The following PES1 variants were observed in gnomAD, a reference collection of about 807,000 sequenced individuals.
The protein encoded by PES1 is pescadillo homolog.
In PES1, 31 loss-of-function variants were observed where a neutral mutation model predicts 77.1. That is an observed-to-expected ratio of 0.40 (90% CI 0.30 to 0.54). PES1 has a LOEUF of 0.54. Among genes scored for constraint, PES1 ranks in the 20% least tolerant of loss-of-function variants. PES1 has a pLI of 0.45. For synonymous variants in PES1, 282 were observed against 303.0 expected (o/e 0.93, Z 0.72); for missense variants, 658 against 771.7 (o/e 0.85, Z 1.75).
chr22:30,585,265 A>G, intron 4 of PES1: 1 of 471,434 alleles, frequency 2.1e-6, no homozygotes, highest in Non-Finnish European at 4.4e-6. Flanking sequence ...AATGAGACCC[A>G]GGGAATTGGG....
chr22:30,597,839 T>C (rs1299518416), intron 2 of PES1, among the ~76,000 whole-genome samples: 3 of 151,376 alleles, frequency 2.0e-5, no homozygotes, highest in East Asian at 1.9e-4. Context: ...CCGACTCAGC[T>C]GTGGTAACTC....
Position 30,584,350 on chromosome 22 carries a change from G to A in PES1, c.630+15C>T, listed in dbSNP as rs766308436. 128 of 1,592,922 alleles carry A rather than the reference G, an allele frequency of 8.0e-5. No individual in the cohort carries two copies. Among genetic ancestry groups the A allele is most frequent in the African/African-American group, 1.1e-4 (8 of 74,398 alleles). ...AGGCAGCACAAGCCCGTCCCCTCCC[G>A]ACAGGCACACTCACGTCATGGGAGA... On this transcript the variant is annotated intron_variant, in intron 6 of 14. Transcript: ENST00000354694.
At chr22:30,582,693 CCAGA>C (rs374751771) in intron 6 of PES1, among the ~76,000 whole-genome samples, 6 of 152,318 alleles carry the variant, frequency 3.9e-5, no homozygotes, top group African/African-American at 1.4e-4. Context: ...TATTCTGCTG[CCAGA>C]CAGTGACCTG....
chr22:30,584,422 C>G lies in PES1; in HGVS notation c.573G>C (p.Gln191His). ...VFLSIKGIYYQAEVLGQPIVW... is the reference protein window; with the variant it reads ...VFLSIKGIYYHAEVLGQPIVW... The stretch of plus-strand genomic sequence containing the variant: ...CGATGGGCTGCCCCAGTACCTCGGC[C>G]TGGTAGTAAATGCCTTTGATGGACA... Residue 191 changes from glutamine to histidine, a missense_variant, in exon 6 of 15, where the codon CAG becomes CAC. Transcript: ENST00000354694. The G allele has an allele frequency of 6.2e-7, 1 of 1,612,646 alleles. No homozygotes were observed. Among genetic ancestry groups the G allele is most frequent in the Non-Finnish European group, 8.5e-7 (1 of 1,179,332 alleles).
intron 1 of PES1, 120 bp from the exon 2 acceptor site, chr22:30,589,390 G>A (rs2087144794): frequency 1.2e-6 from 1 of 823,942 alleles, no homozygotes. Context: ...GATGAGTCTA[G>A]GAGAGGAAAC....
At position 30,584,700 on chromosome 22, in the gene PES1, T is replaced by C; in HGVS notation, c.386A>G (p.Asp129Gly). 1 of 1,613,736 alleles carries C rather than the reference T, an allele frequency of 6.2e-7. No individual in the cohort carries two copies. Among genetic ancestry groups the C allele is most frequent in the East Asian group, 2.2e-5 (1 of 44,886 alleles). The change falls in exon 5 of 15, where the codon GAT becomes GGT. Residue 129 changes from aspartate (D) to glycine (G), a missense_variant. Coordinates refer to ENST00000354694, the MANE Select transcript of PES1 (RefSeq NM_014303.4). Reference protein sequence around the residue: ...IIKERYPTFIDALRDLDDALS... With the variant: ...IIKERYPTFIGALRDLDDALS... ...GGCATCGTCCAGGTCCCGCAGGGCA[T>C]CGATGAACGTGGGATACCTGCATGG...
At chr22:30,605,621 AC>A in intron 1 of PES1, 1 of 256,358 alleles carries the variant, frequency 3.9e-6, no homozygotes, top group Non-Finnish European at 6.1e-6. Flanking sequence ...CACACACTTC[AC>A]CATGACTCCC....
chr22:30,592,798 AAAAT>A (rs993370437), upstream of PES1, among the ~76,000 whole-genome samples: 8 of 152,180 alleles, frequency 5.3e-5, no homozygotes, highest in African/African-American at 1.9e-4. Context: ...CTCCATCTCA[AAAAT>A]AAATAAATAA....
At chr22:30,591,730 G>A (rs2087179506) in intron 1 of PES1, 80 bp downstream of exon 1, 2 of 1,475,946 alleles carry the variant, frequency 1.4e-6, no homozygotes, top group Non-Finnish European at 9.2e-7. Flanking sequence ...ACGAGACGGA[G>A]CCCGGGAAAA....
At chr22:30,597,912 C>A (rs1479448010) in intron 2 of PES1, among the ~76,000 whole-genome samples, 30 of 130,390 alleles carry the variant, frequency 2.3e-4, no homozygotes, top group African/African-American at 9.2e-4. Flanking sequence ...GAGTCGGAGT[C>A]TCACTCTGTC....
In PES1 at chr22:30,580,646, T is replaced by C. The variant is rs1421115839; in HGVS notation, c.968A>G (p.His323Arg). 1.9e-6 allele frequency: 3 copies of C among 1,613,556 alleles called. No individual in the cohort carries two copies. The highest frequency in any genetic ancestry group is 1.7e-5 in the Admixed American group (1 of 59,990). ...RRKELEAQEKHKKLFEGLKFF... is the reference protein window; with the variant it reads ...RRKELEAQEKRKKLFEGLKFF... Reference sequence around the variant, plus strand: ...CTTCAGGCCCTCAAAAAGCTTCTTGTGCTTCTCCTGCGCCTCCAGCTCCTT... The same window carrying C: ...CTTCAGGCCCTCAAAAAGCTTCTTGCGCTTCTCCTGCGCCTCCAGCTCCTT... Residue 323 changes from histidine to arginine, a missense_variant, in exon 10 of 15, where the codon CAC (histidine) becomes CGC (arginine). Transcript: ENST00000354694.
chr22:30,581,534 G>A lies in PES1; in HGVS notation c.741C>T (p.Pro247=), dbSNP rs775880048. 1 of 1,613,314 alleles carries A rather than the reference G, an allele frequency of 6.2e-7. No homozygotes were observed. The change falls in exon 7 of 15, where the codon CCC becomes CCT. Residue 247 remains proline, a synonymous_variant. Coordinates refer to ENST00000354694, the MANE Select transcript of PES1 (RefSeq NM_014303.4). ...CACTGGGCTGGGGTCCTACCTTCGG[G>A]GGATAGTGGAGGTTGAGCAACTGGT... is the stretch of plus-strand genomic sequence containing the variant. ...RLYQLLNLHY[P]PKLEGQAQAE...
chr22:30,594,623 G>T (rs970643609), upstream of PES1, among the ~76,000 whole-genome samples: 1 of 151,652 alleles, frequency 6.6e-6, no homozygotes, highest in African/African-American at 2.4e-5. Context: ...AGACCAGCCT[G>T]GGCAACATAG....
chr22:30,598,432 A>G (rs1351095535), intron 2 of PES1: 1 of 151,824 alleles, frequency 6.6e-6, no homozygotes, highest in Non-Finnish European at 1.5e-5. Context: ...CTAAGGTAAA[A>G]CCCGTAAAAA....
intron 14 of PES1, among the ~76,000 whole-genome samples, chr22:30,578,260 T>C (rs2146455924): frequency 6.6e-6 from 1 of 152,284 alleles, no homozygotes; most frequent in Non-Finnish European, 1.5e-5. Flanking sequence ...CTAGCCTGGG[T>C]GACAGAGGAA....
intron 2 of PES1, chr22:30,605,455 T>G: frequency 1.0e-6 from 1 of 985,360 alleles, no homozygotes; most frequent in Non-Finnish European, 1.2e-6. Flanking sequence ...TGCTGCTGCT[T>G]CTCACCAGAG....
At chr22:30,604,273 T>C (rs534639792) in intron 2 of PES1, among the ~76,000 whole-genome samples, 1 of 152,198 alleles carries the variant, frequency 6.6e-6, no homozygotes, top group South Asian at 2.1e-4. Flanking sequence ...GGGGGAAAAA[T>C]ATAAATAATC....
At position 30,577,793 on chromosome 22, in the gene PES1, G is replaced by A. The variant is rs187212958; in HGVS notation, c.1684-664C>T. ...TTACAGGCGTGAGCCACCATGCCCA[G>A]ACCCATTTGACAATAACTATTTCAA... On this transcript the variant is annotated intron_variant, in intron 14 of 14. Coordinates refer to ENST00000354694, the MANE Select transcript of PES1 (RefSeq NM_014303.4). Among the ~76,000 whole-genome samples, 246 of 152,298 alleles carry A rather than the reference G, an allele frequency of 1.6e-3. 2 individuals carry two copies. The highest frequency in any genetic ancestry group is 2.5e-3 in the Non-Finnish European group (173 of 68,034).
chr22:30,600,797 A>G (rs2087342746), intron 2 of PES1, among the ~76,000 whole-genome samples: 1 of 152,166 alleles, frequency 6.6e-6, no homozygotes, highest in Admixed American at 6.5e-5. Flanking sequence ...CCTGGGTGAC[A>G]GAGCGCGAGA....
Sources: gnomAD v4.1 joint callset for allele counts (sites outside exome capture counted in the v4.1 genomes callset) on GRCh38, gnomAD v4.1.1 for gene constraint, MANE v1.5 for transcripts, NCBI Gene and HGNC (gene_info 2026-07-23, HGNC 2026-07-21) for gene names.